Variants in EXOC6B observed in about 807,000 individuals in gnomAD.
EXOC6B encodes the protein exocyst complex component 6B.
EXOC6B carries 54 observed loss-of-function variants against 113.5 expected under a neutral mutation model. The observed-to-expected ratio is 0.48, with a 90% CI of 0.38 to 0.60. The LOEUF (loss-of-function observed/expected upper bound fraction) is 0.60, where lower values mean the gene tolerates loss of function less well. EXOC6B is among the 20% of genes least tolerant of loss of function. The pLI, the probability that EXOC6B is intolerant of heterozygous loss-of-function variation, is 0.00. For missense variants in EXOC6B, 797 were observed against 977.5 expected, an observed-to-expected ratio of 0.82 and a Z score of 2.46; for synonymous variants, 357 against 339.0, an observed-to-expected ratio of 1.05 and a Z score of -0.58.
At chr2:72,393,267 T>G (rs1007761574) in intron 18 of EXOC6B, among the ~76,000 whole-genome samples, 49 of 152,174 alleles carry the variant, frequency 3.2e-4, no homozygotes, top group African/African-American at 1.2e-3. Context: ...CTAATTTTTG[T>G]ATTTTTTTAG....
At chr2:72,343,800 T>C (rs1413991099) in intron 19 of EXOC6B, among the ~76,000 whole-genome samples, 12 of 152,164 alleles carry the variant, frequency 7.9e-5, no homozygotes. Flanking sequence ...ATATATTGGC[T>C]TACTGTGTCT....
chr2:72,565,425 C>A (rs2103746688), intron 7 of EXOC6B, among the ~76,000 whole-genome samples: 1 of 149,464 alleles, frequency 6.7e-6, no homozygotes, highest in East Asian at 1.9e-4. Context: ...TAACAAGGGT[C>A]CACTATATGC....
At chr2:72,466,226 T>A (rs1196246850) in intron 17 of EXOC6B, among the ~76,000 whole-genome samples, 1 of 151,242 alleles carries the variant, frequency 6.6e-6, no homozygotes, top group Non-Finnish European at 1.5e-5. Flanking sequence ...GAGCCTGTAA[T>A]CCCAGCTACT....
At chr2:72,245,802 T>C (rs922498887) in intron 20 of EXOC6B, among the ~76,000 whole-genome samples, 2 of 152,118 alleles carry the variant, frequency 1.3e-5, no homozygotes, top group South Asian at 2.1e-4. Context: ...TTAAAGATAA[T>C]GTATTAATAT....
chr2:72,674,406 C>T (rs987368003), intron 6 of EXOC6B, among the ~76,000 whole-genome samples: 2 of 152,222 alleles, frequency 1.3e-5, no homozygotes, highest in East Asian at 3.8e-4. Flanking sequence ...GGAACCAGTG[C>T]TATCTGAACA....
intron 20 of EXOC6B, among the ~76,000 whole-genome samples, chr2:72,260,030 T>C (rs1213306933): frequency 6.6e-6 from 1 of 151,426 alleles, no homozygotes; most frequent in African/African-American, 2.4e-5. Context: ...AAAACTTGGG[T>C]GACATAGTGA....
intron 6 of EXOC6B, among the ~76,000 whole-genome samples, chr2:72,600,878 T>C (rs1486821685): frequency 6.6e-6 from 1 of 151,724 alleles, no homozygotes; most frequent in African/African-American, 2.4e-5. Context: ...AACATCTCTG[T>C]AAAAACAATG....
intron 8 of EXOC6B, among the ~76,000 whole-genome samples, chr2:72,544,410 T>C (rs1702787542): frequency 6.6e-6 from 1 of 152,144 alleles, no homozygotes; most frequent in Non-Finnish European, 1.5e-5. Flanking sequence ...CGGATTTTTT[T>C]TAAAACTGAG....
chr2:72,625,868 G>T (rs903957858), intron 6 of EXOC6B, among the ~76,000 whole-genome samples: 6 of 152,116 alleles, frequency 3.9e-5, no homozygotes, highest in Admixed American at 2.6e-4. Flanking sequence ...CTAAACAATG[G>T]TTTTCAACTG....
chr2:72,565,728 A>C (rs7340316), intron 7 of EXOC6B, among the ~76,000 whole-genome samples: 1 of 152,214 alleles, frequency 6.6e-6, no homozygotes, highest in Non-Finnish European at 1.5e-5. Context: ...AATGAAAATT[A>C]AAACTACAAA....
chr2:72,496,389 T>A (rs1340632078), intron 14 of EXOC6B, 65 bp downstream of exon 14: 1 of 905,282 alleles, frequency 1.1e-6, no homozygotes, highest in African/African-American at 1.7e-5. Flanking sequence ...ATCAAACTGA[T>A]CCAATGAAAG....
chr2:72,341,050 C>T (rs1311168347), intron 19 of EXOC6B, among the ~76,000 whole-genome samples: 1 of 152,118 alleles, frequency 6.6e-6, no homozygotes, highest in Admixed American at 6.6e-5. Context: ...CTTGGAGATT[C>T]ATCTGAGTAT....
intron 6 of EXOC6B, among the ~76,000 whole-genome samples, chr2:72,669,452 C>T (rs1313398287): frequency 6.6e-6 from 1 of 151,112 alleles, no homozygotes; most frequent in East Asian, 1.9e-4. Context: ...CATGCTTCAG[C>T]GCTCCAAAAA....
intron 20 of EXOC6B, among the ~76,000 whole-genome samples, chr2:72,223,371 G>C (rs1680993862): frequency 6.6e-6 from 1 of 152,150 alleles, no homozygotes; most frequent in South Asian, 2.1e-4. Flanking sequence ...TTATCCCTTT[G>C]TGGTTACAGA....
intron 11 of EXOC6B, among the ~76,000 whole-genome samples, chr2:72,502,859 ACTTTC>A (rs1700397998): frequency 6.6e-6 from 1 of 151,672 alleles, no homozygotes; most frequent in Non-Finnish European, 1.5e-5. Flanking sequence ...TTGTTTCTTA[ACTTTC>A]CTTTCCTATT....
chr2:72,226,290 A>G (rs1681232859), intron 20 of EXOC6B, among the ~76,000 whole-genome samples: 2 of 152,234 alleles, frequency 1.3e-5, no homozygotes, highest in South Asian at 4.1e-4. Flanking sequence ...GTAATATATC[A>G]TTGTTAATTT....
At chr2:72,505,792 T>C (rs1700565038) in intron 11 of EXOC6B, among the ~76,000 whole-genome samples, 1 of 152,132 alleles carries the variant, frequency 6.6e-6, no homozygotes, top group African/African-American at 2.4e-5. Flanking sequence ...ACTGCTTTTA[T>C]TAGTTTAAGG....
chr2:72,516,359 T>C (rs1324961244), intron 8 of EXOC6B, among the ~76,000 whole-genome samples: 1 of 152,184 alleles, frequency 6.6e-6, no homozygotes, highest in East Asian at 1.9e-4. Context: ...GAGATTCTCC[T>C]GCCTCAGCCT....
intron 17 of EXOC6B, among the ~76,000 whole-genome samples, chr2:72,471,581 G>T (rs1268857183): frequency 6.6e-6 from 1 of 152,098 alleles, no homozygotes; most frequent in Admixed American, 6.6e-5. Flanking sequence ...TTCTTCTAGG[G>T]TTTTTATGGT....
Sources: allele counts gnomAD v4.1 joint callset (sites outside exome capture counted in the v4.1 genomes callset), GRCh38; gene constraint gnomAD v4.1.1; transcripts MANE v1.5; gene names NCBI Gene and HGNC (gene_info 2026-07-23, HGNC 2026-07-21).